Variants in R3HDM1 observed in about 807,000 individuals in gnomAD.
R3HDM1 encodes the protein R3H domain-containing protein 1.
In R3HDM1, 46 loss-of-function variants were observed where a neutral mutation model predicts 141.1. The ratio of observed to expected loss-of-function variants is 0.33; its 90% CI spans 0.26 to 0.42. R3HDM1 has a LOEUF of 0.42. Ranked by LOEUF, R3HDM1 falls within the 10% of genes least tolerant of loss-of-function variation. The probability of loss-of-function intolerance (pLI) is 1.00; values close to 1 mark genes in which losing one functional copy is unlikely to be tolerated. For missense variants in R3HDM1, 1,184 were observed against 1,368.3 expected (o/e 0.87, Z 2.12); for synonymous variants, 435 against 472.9 (o/e 0.92, Z 1.04).
chr2:135,611,159 C>T (rs958883023), intron 3 of R3HDM1, among the ~76,000 whole-genome samples: 15 of 150,954 alleles, frequency 9.9e-5, no homozygotes, highest in African/African-American at 3.2e-4. Flanking sequence ...CGGTGGTTCA[C>T]GCCTGTAATC....
intron 15 of R3HDM1, among the ~76,000 whole-genome samples, chr2:135,644,511 A>T (rs2064163162): frequency 6.6e-6 from 1 of 152,176 alleles, no homozygotes; most frequent in South Asian, 2.1e-4. Context: ...CTGTCTCAAA[A>T]AAACAGAAAA....
At chr2:135,537,050 C>T (rs1269404860) in intron 1 of R3HDM1, among the ~76,000 whole-genome samples, 1 of 152,004 alleles carries the variant, frequency 6.6e-6, no homozygotes, top group Non-Finnish European at 1.5e-5. Flanking sequence ...GGGACTGCTG[C>T]TCTTAGGACA....
At chr2:135,595,649 CAATCAGTTATT>C (rs1710481373) in intron 1 of R3HDM1, among the ~76,000 whole-genome samples, 1 of 152,152 alleles carries the variant, frequency 6.6e-6, no homozygotes, top group South Asian at 2.1e-4. Context: ...GCACATATTG[CAATCAGTTATT>C]ATCTTGTATA....
At chr2:135,721,807 C>T (rs930558441) in intron 24 of R3HDM1, 117 bp from the exon 25 acceptor site, 21 of 737,152 alleles carry the variant, frequency 2.8e-5, no homozygotes, top group African/African-American at 8.9e-5. Flanking sequence ...AGGCTGGTCT[C>T]GAACTCCTGG....
intron 1 of R3HDM1, among the ~76,000 whole-genome samples, chr2:135,549,573 A>C (rs905566011): frequency 6.6e-6 from 1 of 151,338 alleles, no homozygotes; most frequent in Admixed American, 6.6e-5. Flanking sequence ...AAAAAAAAAA[A>C]AAAAAAAACA....
At chr2:135,568,622 T>C (rs35122473) in intron 1 of R3HDM1, 10,384 of 152,304 alleles carry the variant, frequency 0.068, 727 homozygotes, top group African/African-American at 0.18. Flanking sequence ...AGTGCTGGAA[T>C]TACAGGCGTG....
In R3HDM1 at chr2:135,546,303, G is replaced by A. The variant is rs78577590; in HGVS notation, c.-250+14670G>A. Among the ~76,000 whole-genome samples, 55 of 152,272 alleles carry A rather than the reference G, an allele frequency of 3.6e-4. 1 individual carries two copies. The East Asian group carries it at 8.3e-3, about 23-fold the overall frequency. ...ACCTGGTCCCAGACACAAGTGAGAT[G>A]TTATCCTAAAAGTGCATCAGTGTCA... On this transcript the variant is annotated intron_variant, in intron 1 of 26. Coordinates refer to ENST00000683871, the MANE Select transcript of R3HDM1 (RefSeq NM_001378107.1).
intron 21 of R3HDM1, among the ~76,000 whole-genome samples, chr2:135,690,048 G>GT (rs1373773616): frequency 6.6e-6 from 1 of 152,022 alleles, no homozygotes; most frequent in Non-Finnish European, 1.5e-5. Context: ...TTTAAAAAAT[G>GT]TTTCACAGAA....
At chr2:135,558,547 C>T (rs1701197895) in intron 1 of R3HDM1, among the ~76,000 whole-genome samples, 1 of 152,174 alleles carries the variant, frequency 6.6e-6, no homozygotes, top group African/African-American at 2.4e-5. Context: ...GCCTGGCACT[C>T]ACCTAGCATT....
At chr2:135,637,620 C>G (rs568317855) in intron 11 of R3HDM1, among the ~76,000 whole-genome samples, 2 of 152,244 alleles carry the variant, frequency 1.3e-5, no homozygotes, top group South Asian at 4.1e-4. Flanking sequence ...TGCACTCCAG[C>G]CTGGGTGACA....
chr2:135,558,992 T>C, intron 1 of R3HDM1: 1 of 982,166 alleles, frequency 1.0e-6, no homozygotes, highest in Non-Finnish European at 1.2e-6. Context: ...AACTTTAAAA[T>C]TGTTTTACAA....
At chr2:135,594,495 C>T (rs1174922880) in intron 1 of R3HDM1, among the ~76,000 whole-genome samples, 1 of 152,202 alleles carries the variant, frequency 6.6e-6, no homozygotes, top group Non-Finnish European at 1.5e-5. Flanking sequence ...CTTAGAAGGA[C>T]TGTGCCAAAA....
At chr2:135,696,954 C>A (rs2073335917) in intron 21 of R3HDM1, among the ~76,000 whole-genome samples, 1 of 152,042 alleles carries the variant, frequency 6.6e-6, no homozygotes, top group Non-Finnish European at 1.5e-5. Context: ...ACTGTAAAAC[C>A]TGTTACAGAG....
chr2:135,646,297 G>C (rs541491336), intron 16 of R3HDM1, among the ~76,000 whole-genome samples: 5 of 151,192 alleles, frequency 3.3e-5, no homozygotes, highest in African/African-American at 1.2e-4. Context: ...CACCACGCCC[G>C]GCAAATTTTT....
chr2:135,537,871 A>G (rs1240485004), intron 1 of R3HDM1, among the ~76,000 whole-genome samples: 3 of 152,026 alleles, frequency 2.0e-5, no homozygotes, highest in African/African-American at 7.2e-5. Flanking sequence ...TTCATACAGA[A>G]CTACTGAGTA....
At position 135,724,369 on chromosome 2, in the gene R3HDM1, C is replaced by T; in HGVS notation, c.*77C>T. On this transcript the variant is annotated 3_prime_UTR_variant, in exon 27 of 27. Coordinates refer to ENST00000683871, the MANE Select transcript of R3HDM1 (RefSeq NM_001378107.1). The stretch of plus-strand genomic sequence containing the variant: ...TTGATTGGCTTGGTATTTGGAGCTT[C>T]TGTTAACATTATAGAGACTCCTAGG... The T allele has an allele frequency of 1.8e-6, 2 of 1,140,730 alleles. No individual in the cohort carries two copies. Among genetic ancestry groups the T allele is most frequent in the Non-Finnish European group, 2.5e-6 (2 of 803,504 alleles). The allele number at this position is 1,140,730 out of a possible 1,614,324, so 70.7% of individuals were successfully genotyped here.
chr2:135,631,848 CT>C lies in R3HDM1; in HGVS notation c.558-11del, dbSNP rs778891721. 1 of 1,597,234 alleles carries C rather than the reference CT, an allele frequency of 6.3e-7. No individual in the cohort carries two copies. The highest frequency in any genetic ancestry group is 8.5e-7 in the Non-Finnish European group (1 of 1,173,408). On this transcript the variant is annotated splice_polypyrimidine_tract_variant and intron_variant, in intron 8 of 26. Coordinates refer to ENST00000683871, the MANE Select transcript of R3HDM1 (RefSeq NM_001378107.1). ...TCCTTGACTTACTAAGTTGGTTTTT[CT>C]TGTGCTTCTAGGTCTCCACGTAAAA...
At chr2:135,575,665 T>A (rs1360749986) in intron 1 of R3HDM1, among the ~76,000 whole-genome samples, 1 of 152,204 alleles carries the variant, frequency 6.6e-6, no homozygotes, top group African/African-American at 2.4e-5. Context: ...GTCACAATGG[T>A]AGAGAAAACT....
chr2:135,580,588 A>C (rs1706587690), intron 1 of R3HDM1, among the ~76,000 whole-genome samples: 1 of 152,120 alleles, frequency 6.6e-6, no homozygotes, highest in Admixed American at 6.5e-5. Flanking sequence ...TTAAGTGAAA[A>C]ATCTGTACAT....
Sources: allele counts gnomAD v4.1 joint callset (sites outside exome capture counted in the v4.1 genomes callset), GRCh38; gene constraint gnomAD v4.1.1; transcripts MANE v1.5; gene names NCBI Gene and HGNC (gene_info 2026-07-23, HGNC 2026-07-21).